The following RARB variants were observed in gnomAD, a reference collection of about 807,000 sequenced individuals.
RARB encodes HBV-activated protein.
RARB carries 17 observed loss-of-function variants against 51.9 expected under a neutral mutation model. The observed-to-expected ratio is 0.33, with a 90% confidence interval of 0.22 to 0.49. RARB has a LOEUF of 0.49. Among genes scored for constraint, RARB ranks in the 20% least tolerant of loss-of-function variants. RARB has a pLI of 0.99. For missense variants in RARB, 369 were observed against 550.8 expected (o/e 0.67, Z 3.30); for synonymous variants, 215 against 195.4 (o/e 1.10, Z -0.84).
chr3:25,255,080 C>G (rs1386929712), intron 5 of RARB, among the ~76,000 whole-genome samples: 1 of 152,148 alleles, frequency 6.6e-6, no homozygotes, highest in African/African-American at 2.4e-5. Context: ...GCTTACTGAC[C>G]AGTTTAAATT....
At chr3:24,978,137 G>A (rs1218310919) in intron 2 of RARB, among the ~76,000 whole-genome samples, 1 of 152,176 alleles carries the variant, frequency 6.6e-6, no homozygotes, top group Non-Finnish European at 1.5e-5. Flanking sequence ...TTGATGTGCT[G>A]CTGGATTCAG....
At chr3:25,532,227 G>C (rs781734259) in intron 3 of RARB, among the ~76,000 whole-genome samples, 1 of 152,154 alleles carries the variant, frequency 6.6e-6, no homozygotes, top group Non-Finnish European at 1.5e-5. Flanking sequence ...TGAATTAGTA[G>C]AGTAATATTG....
chr3:25,275,188 G>A (rs1233921564), intron 5 of RARB, among the ~76,000 whole-genome samples: 7 of 152,138 alleles, frequency 4.6e-5, no homozygotes, highest in Non-Finnish European at 4.4e-5. Flanking sequence ...CTGGCTAGGC[G>A]CGGTGGCTCA....
At chr3:25,516,716 T>A (rs1008326403) in intron 3 of RARB, among the ~76,000 whole-genome samples, 3 of 151,258 alleles carry the variant, frequency 2.0e-5, no homozygotes, top group Admixed American at 1.3e-4. Context: ...AATCTCTGCC[T>A]CCTGGGTTCA....
At chr3:25,146,500 T>C in intron 4 of RARB, among the ~76,000 whole-genome samples, 1 of 88,370 alleles carries the variant, frequency 1.1e-5, no homozygotes, top group African/African-American at 4.0e-5. Flanking sequence ...AAGTTTTTTG[T>C]TTGTTTGTTT....
chr3:24,845,517 G>A (rs1001791011), intron 1 of RARB, among the ~76,000 whole-genome samples: 3 of 152,148 alleles, frequency 2.0e-5, no homozygotes, highest in Admixed American at 1.3e-4. Flanking sequence ...TTTTGATGGG[G>A]CATGTTTTCT....
chr3:24,944,694 C>T (rs1695738134), intron 2 of RARB, among the ~76,000 whole-genome samples: 1 of 152,264 alleles, frequency 6.6e-6, no homozygotes, highest in Middle Eastern at 3.4e-3. Context: ...TGGTGAGTTT[C>T]CTCGGGTGAC....
chr3:25,011,412 A>C (rs1321719372), intron 2 of RARB, among the ~76,000 whole-genome samples: 1 of 152,120 alleles, frequency 6.6e-6, no homozygotes, highest in Non-Finnish European at 1.5e-5. Context: ...CTTAAAAATC[A>C]ATGTGAGTCT....
At chr3:25,284,393 TAATAAAAATATTTGAGC>T (rs1233265142) in intron 5 of RARB, among the ~76,000 whole-genome samples, 6 of 152,210 alleles carry the variant, frequency 3.9e-5, no homozygotes, top group South Asian at 2.1e-4. Context: ...CAGCTTTGAG[TAATAAAAATATTTGAGC>T]AATAAAAATA....
At chr3:25,367,640 A>C (rs1026780595) in intron 5 of RARB, among the ~76,000 whole-genome samples, 1 of 130,580 alleles carries the variant, frequency 7.7e-6, no homozygotes, top group African/African-American at 3.0e-5. Flanking sequence ...ACATGGTAAA[A>C]ACCCATCTCT....
intron 4 of RARB, among the ~76,000 whole-genome samples, chr3:25,168,167 A>G (rs2125350002): frequency 6.6e-6 from 1 of 152,350 alleles, no homozygotes; most frequent in Non-Finnish European, 1.5e-5. Flanking sequence ...GAAAGAGTCT[A>G]TAATATAGTA....
intron 5 of RARB, among the ~76,000 whole-genome samples, chr3:25,288,669 C>T (rs1166740294): frequency 6.6e-6 from 1 of 152,132 alleles, no homozygotes; most frequent in East Asian, 1.9e-4. Context: ...CCATTGTACT[C>T]CCTGTACCAG....
chr3:25,543,934 A>G (rs996982738), intron 3 of RARB, among the ~76,000 whole-genome samples: 5 of 152,214 alleles, frequency 3.3e-5, no homozygotes, highest in African/African-American at 4.8e-5. Context: ...TCTTGAAGCT[A>G]TTTTAAAGAG....
chr3:25,444,170 C>T (rs1708827447), intron 1 of RARB, among the ~76,000 whole-genome samples: 1 of 152,156 alleles, frequency 6.6e-6, no homozygotes, highest in African/African-American at 2.4e-5. Context: ...CCTGTTATCC[C>T]CACTTTGCAG....
intron 2 of RARB, among the ~76,000 whole-genome samples, chr3:24,922,306 A>C (rs989232482): frequency 6.6e-6 from 1 of 152,200 alleles, no homozygotes; most frequent in African/African-American, 2.4e-5. Context: ...CGTTGGAGAA[A>C]AAGATGTTAA....
intron 2 of RARB, among the ~76,000 whole-genome samples, chr3:24,900,028 T>C (rs1331516993): frequency 6.6e-6 from 1 of 152,282 alleles, no homozygotes; most frequent in East Asian, 1.9e-4. Flanking sequence ...CCATAATAAA[T>C]TAAAATAAAA....
At chr3:25,595,254 G>A (rs1237477831) in intron 7 of RARB, among the ~76,000 whole-genome samples, 1 of 152,190 alleles carries the variant, frequency 6.6e-6, no homozygotes, top group Non-Finnish European at 1.5e-5. Context: ...GTTTTTCTAT[G>A]TAGAGAGACA....
chr3:25,426,822 A>C (rs1401051409), upstream of RARB, among the ~76,000 whole-genome samples: 2 of 152,176 alleles, frequency 1.3e-5, no homozygotes, highest in African/African-American at 2.4e-5. Context: ...TCCCTTTTAA[A>C]GCTCTCCATC....
chr3:25,303,581 A>G (rs1002259709), intron 5 of RARB, among the ~76,000 whole-genome samples: 14 of 152,192 alleles, frequency 9.2e-5, no homozygotes, highest in Non-Finnish European at 1.8e-4. Flanking sequence ...GGCAGATACC[A>G]GCAGACATTT....
Sources: allele counts gnomAD v4.1 joint callset (sites outside exome capture counted in the v4.1 genomes callset), GRCh38; gene constraint gnomAD v4.1.1; transcripts MANE v1.5; gene names NCBI Gene and HGNC (gene_info 2026-07-23, HGNC 2026-07-21).